LRRTM4: variants seen among roughly 807,000 people sequenced by gnomAD.
LRRTM4 encodes the protein leucine rich repeat transmembrane neuronal 4, also known as leucine-rich repeat transmembrane neuronal protein 4.
Under a neutral mutation model 47.6 loss-of-function variants are expected in LRRTM4, and 25 were observed. The ratio of observed to expected loss-of-function variants is 0.53; its 90% CI spans 0.38 to 0.73. LRRTM4 has a LOEUF of 0.73. LRRTM4 is among the 30% of genes least tolerant of loss of function. The pLI is 0.00. For missense variants in LRRTM4, 638 were observed against 713.4 expected (o/e 0.89, Z 1.20); for synonymous variants, 311 against 269.5 (o/e 1.15, Z -1.51).
intron 3 of LRRTM4, among the ~76,000 whole-genome samples, chr2:76,784,159 T>C (rs970471196): frequency 3.9e-5 from 6 of 152,142 alleles, no homozygotes; most frequent in Non-Finnish European, 1.5e-5. Flanking sequence ...GTAATTGTAT[T>C]ACACACACAA....
intron 3 of LRRTM4, among the ~76,000 whole-genome samples, chr2:77,280,962 C>T (rs62160530): frequency 0.037 from 5,691 of 151,978 alleles, 163 homozygotes; most frequent in Middle Eastern, 0.065. Context: ...TGTAGTGTCT[C>T]TAATACCCCC....
intron 3 of LRRTM4, among the ~76,000 whole-genome samples, chr2:77,110,433 A>G (rs1671219075): frequency 6.6e-6 from 1 of 152,176 alleles, no homozygotes; most frequent in Admixed American, 6.5e-5. Context: ...ATAAAATTGA[A>G]TCCATTAGTA....
chr2:76,756,274 T>C (rs1673027944), intron 3 of LRRTM4, among the ~76,000 whole-genome samples: 2 of 152,196 alleles, frequency 1.3e-5, no homozygotes, highest in South Asian at 4.1e-4. Flanking sequence ...TCTGAATCCA[T>C]CTATGACCTG....
chr2:77,071,977 ACT>A (rs1164632843), intron 3 of LRRTM4, among the ~76,000 whole-genome samples: 1 of 151,838 alleles, frequency 6.6e-6, no homozygotes, highest in Non-Finnish European at 1.5e-5. Context: ...ACTTGGTAAG[ACT>A]CTCTTATTTT....
chr2:76,982,396 G>T (rs1238046331), intron 3 of LRRTM4, among the ~76,000 whole-genome samples: 1 of 152,008 alleles, frequency 6.6e-6, no homozygotes. Context: ...TGGGCAATCA[G>T]GCTCTTTCTT....
chr2:76,774,851 C>T (rs567412972), intron 3 of LRRTM4, among the ~76,000 whole-genome samples: 11 of 152,306 alleles, frequency 7.2e-5, no homozygotes, highest in South Asian at 2.1e-4. Flanking sequence ...GGAGTGTTCA[C>T]GTAGTAAACA....
intron 3 of LRRTM4, among the ~76,000 whole-genome samples, chr2:77,306,956 G>A (rs1406944915): frequency 7.4e-6 from 1 of 134,578 alleles, no homozygotes; most frequent in Non-Finnish European, 1.5e-5. Context: ...CTGGAGTGCA[G>A]TGGCGCGATC....
At chr2:77,284,809 G>A (rs1322802988) in intron 3 of LRRTM4, among the ~76,000 whole-genome samples, 1 of 152,036 alleles carries the variant, frequency 6.6e-6, no homozygotes, top group African/African-American at 2.4e-5. Flanking sequence ...TCAAAGGAAA[G>A]TGTATGTTGA....
chr2:77,278,929 A>G (rs777760948), intron 3 of LRRTM4, among the ~76,000 whole-genome samples: 2 of 151,974 alleles, frequency 1.3e-5, no homozygotes, highest in Non-Finnish European at 2.9e-5. Flanking sequence ...CAAAACCATG[A>G]GACTTTACAC....
At chr2:77,513,669 G>A (rs573812642) in intron 3 of LRRTM4, among the ~76,000 whole-genome samples, 12 of 152,156 alleles carry the variant, frequency 7.9e-5, no homozygotes, top group Admixed American at 5.9e-4. Context: ...GGGTTCAAGC[G>A]ATTCTCTTGC....
At chr2:77,010,796 C>CT (rs1288613351) in intron 3 of LRRTM4, among the ~76,000 whole-genome samples, 20 of 152,130 alleles carry the variant, frequency 1.3e-4, no homozygotes, top group African/African-American at 4.8e-4. Context: ...AATAATGAAT[C>CT]CACTGTTGAG....
intron 3 of LRRTM4, among the ~76,000 whole-genome samples, chr2:77,445,162 G>A (rs1267223562): frequency 6.6e-6 from 1 of 151,944 alleles, no homozygotes; most frequent in Non-Finnish European, 1.5e-5. Flanking sequence ...AGGTTCAAAT[G>A]TTGTCTTGGT....
At position 77,314,214 on chromosome 2, in the gene LRRTM4, C is replaced by T. The variant is rs143680812; in HGVS notation, c.1551+204104G>A. Among the ~76,000 whole-genome samples, 22 of 152,150 alleles carry T rather than the reference C, an allele frequency of 1.4e-4. No homozygotes were observed. In the East Asian group the frequency reaches 3.9e-3, roughly 27 times the overall value. On this transcript the variant is annotated intron_variant, in intron 3 of 3. Coordinates refer to ENST00000409884, the MANE Select transcript of LRRTM4 (RefSeq NM_001134745.3). ...CTGAAAAAGTTGCAGTAGATGGTGT[C>T]CATAATTATATAACTCTTCATACTG...
At chr2:76,946,081 C>T (rs2103874568) in intron 3 of LRRTM4, among the ~76,000 whole-genome samples, 1 of 151,938 alleles carries the variant, frequency 6.6e-6, no homozygotes, top group Non-Finnish European at 1.5e-5. Context: ...TATATCTTGT[C>T]TCTGTGGATA....
rs191109470 is a variant in LRRTM4 at position 77,105,403 on chromosome 2, G to A, written c.1552-356487C>T. On this transcript the variant is annotated intron_variant, in intron 3 of 3. Coordinates refer to ENST00000409884, the MANE Select transcript of LRRTM4 (RefSeq NM_001134745.3). The stretch of plus-strand genomic sequence containing the variant: ...CATCATTCTCAGCAAACTATCTCAA[G>A]GACAAAAAACCAAACACCGCATGTT... Among the ~76,000 whole-genome samples, 521 of 151,372 alleles carry A rather than the reference G, an allele frequency of 3.4e-3. 1 individual carries two copies. Among genetic ancestry groups the A allele is most frequent in the Non-Finnish European group, 5.1e-3 (348 of 67,924 alleles).
At chr2:77,394,127 T>A (rs997201734) in intron 3 of LRRTM4, among the ~76,000 whole-genome samples, 28 of 151,754 alleles carry the variant, frequency 1.8e-4, no homozygotes, top group African/African-American at 6.0e-4. Flanking sequence ...AACTCAAAAT[T>A]TTACATCAAG....
intron 3 of LRRTM4, among the ~76,000 whole-genome samples, chr2:76,910,140 T>C (rs1451624774): frequency 2.0e-5 from 3 of 152,064 alleles, no homozygotes; most frequent in African/African-American, 7.2e-5. Context: ...ATGTGGCACA[T>C]AGACACCATG....
chr2:76,814,440 A>G (rs956829108), intron 3 of LRRTM4, among the ~76,000 whole-genome samples: 9 of 152,120 alleles, frequency 5.9e-5, no homozygotes, highest in Admixed American at 2.0e-4. Context: ...GTAACAATGT[A>G]CACTTGACTC....
At chr2:77,012,458 A>C (rs1048752385) in intron 3 of LRRTM4, among the ~76,000 whole-genome samples, 1 of 152,092 alleles carries the variant, frequency 6.6e-6, no homozygotes, top group Non-Finnish European at 1.5e-5. Flanking sequence ...TGTTTCTTTA[A>C]CTCAAAACTA....
Sources: allele counts gnomAD v4.1 joint callset (sites outside exome capture counted in the v4.1 genomes callset), GRCh38; gene constraint gnomAD v4.1.1; transcripts MANE v1.5; gene names NCBI Gene and HGNC (gene_info 2026-07-23, HGNC 2026-07-21).